DIRAS2: variants seen among roughly 807,000 people sequenced by gnomAD.
DIRAS2 encodes the protein DIRAS family GTPase 2, also known as GTP-binding protein Di-Ras2.
Under a neutral mutation model 13.9 loss-of-function variants are expected in DIRAS2, and 5 were observed. The ratio of observed to expected loss-of-function variants is 0.36; its 90% CI spans 0.19 to 0.76. DIRAS2 has a LOEUF of 0.76. Ranked by LOEUF, DIRAS2 falls within the 30% of genes least tolerant of loss-of-function variation. The pLI, the probability that DIRAS2 is intolerant of heterozygous loss-of-function variation, is 0.53. For missense variants in DIRAS2, 191 were observed against 263.0 expected, an observed-to-expected ratio of 0.73 and a Z score of 1.89; for synonymous variants, 111 against 105.4, an observed-to-expected ratio of 1.05 and a Z score of -0.33.
intron 1 of DIRAS2, among the ~76,000 whole-genome samples, chr9:90,622,788 C>T (rs1395106343): frequency 6.6e-6 from 1 of 152,012 alleles, no homozygotes. Flanking sequence ...TCTCTCTAAC[C>T]TTGGATTTAT....
chr9:90,620,506 C>A (rs912940696), intron 1 of DIRAS2, among the ~76,000 whole-genome samples: 1 of 152,106 alleles, frequency 6.6e-6, no homozygotes, highest in Admixed American at 6.6e-5. Flanking sequence ...CCTGTAATCC[C>A]AACATTTTGG....
At chr9:90,628,147 C>T (rs1825289481) in intron 1 of DIRAS2, among the ~76,000 whole-genome samples, 1 of 152,124 alleles carries the variant, frequency 6.6e-6, no homozygotes, top group South Asian at 2.1e-4. Flanking sequence ...GCCTTAAGTT[C>T]CTACTGTATT....
At chr9:90,639,585 G>T (rs1825400525) in intron 1 of DIRAS2, among the ~76,000 whole-genome samples, 1 of 152,072 alleles carries the variant, frequency 6.6e-6, no homozygotes. Flanking sequence ...ACCCGGGGGG[G>T]CAGTACTTCT....
chr9:90,633,603 A>T (rs1168878281), intron 1 of DIRAS2, among the ~76,000 whole-genome samples: 2 of 152,194 alleles, frequency 1.3e-5, no homozygotes, highest in East Asian at 3.8e-4. Context: ...AAGTGTGTGG[A>T]TGAGATCGTT....
chr9:90,622,522 C>T (rs1039734327), intron 1 of DIRAS2, among the ~76,000 whole-genome samples: 2 of 150,492 alleles, frequency 1.3e-5, no homozygotes, highest in African/African-American at 4.9e-5. Context: ...TGTCTCCTTT[C>T]AGCCATTTCA....
intron 1 of DIRAS2, among the ~76,000 whole-genome samples, chr9:90,614,306 ATGTGTGTGTGTGTGTGTGTGTGTGTG>A (rs34548591): frequency 7.4e-6 from 1 of 134,918 alleles, no homozygotes; most frequent in South Asian, 2.7e-4. Flanking sequence ...GGTCATCATA[ATGTGTGTGTGTGTGTGTGTGTGTGTG>A]TGTGTGTGTG....
At chr9:90,627,005 G>A (rs117764192) in intron 1 of DIRAS2, among the ~76,000 whole-genome samples, 1,597 of 152,228 alleles carry the variant, frequency 0.01, 24 homozygotes, top group East Asian at 0.054. Context: ...TGGATCATGG[G>A]GGCAGATCCC....
In DIRAS2 at chr9:90,613,441, G is replaced by T. The variant is rs758953484; in HGVS notation, c.387C>A (p.Arg129=). Residue 129 remains arginine, a synonymous_variant, in exon 2 of 2, where the codon CGC becomes CGA. Transcript: ENST00000375765. This position sits in a 1 kb window ranked among gnomAD's most constrained non-coding sequence, Gnocchi z 5.6. ...CCTCCGCCTCGCTGCTCTGCACCTC[G>T]CGGCTGGGGCTCTCATCACACTTGT... ...VGNKCDESPS[R]EVQSSEAEAL... The T allele has an allele frequency of 9.3e-6, 15 of 1,614,046 alleles. No individual in the cohort carries two copies. The highest frequency in any genetic ancestry group is 2.2e-5 in the East Asian group (1 of 44,848).
chr9:90,612,955 C>A lies in DIRAS2; in HGVS notation c.*273G>T. On this transcript the variant is annotated 3_prime_UTR_variant, in exon 2 of 2. Coordinates refer to ENST00000375765, the MANE Select transcript of DIRAS2 (RefSeq NM_017594.5). ...CTCCCTCCCACCTTCGGGTGTTCAT[C>A]GCCACCTTCAGCAATTGCTGGCACC... 1 of 457,172 alleles carries A rather than the reference C, an allele frequency of 2.2e-6. No homozygotes were observed. The highest frequency in any genetic ancestry group is 4.0e-6 in the Non-Finnish European group (1 of 251,854). The allele number at this position is 457,172 out of a possible 1,614,324, so 28.3% of individuals were successfully genotyped here.
rs934626197 is a variant in DIRAS2, at chr9:90,610,702, G to A, written c.*2526C>T. ...TGGGGATCTCCTAAAAGACGATTTT[G>A]AGATAACCATTGATATCCTCAGTTC... On this transcript the variant is annotated 3_prime_UTR_variant, in exon 2 of 2. Coordinates refer to ENST00000375765, the MANE Select transcript of DIRAS2 (RefSeq NM_017594.5). 1.2e-5 allele frequency: 4 copies of A among 332,364 alleles called. No homozygotes were observed. The highest frequency in any genetic ancestry group is 6.3e-5 in the African/African-American group (3 of 47,436). 20.6% of individuals were successfully genotyped at this position (332,364 alleles called of 1,614,324 possible).
At chr9:90,617,535 T>C (rs1825180952) in intron 1 of DIRAS2, among the ~76,000 whole-genome samples, 1 of 152,188 alleles carries the variant, frequency 6.6e-6, no homozygotes, top group Admixed American at 6.5e-5. Context: ...ATGGATATAA[T>C]AATGCCAAGT....
chr9:90,638,519 G>A (rs541597518), intron 1 of DIRAS2, among the ~76,000 whole-genome samples: 54 of 152,262 alleles, frequency 3.5e-4, no homozygotes, highest in African/African-American at 1.1e-3. Context: ...AGGCCAAAGA[G>A]GTCCCAAGAG....
Position 90,610,706 on chromosome 9 carries a change from T to A in DIRAS2, c.*2522A>T, listed in dbSNP as rs1053197577. On this transcript the variant is annotated 3_prime_UTR_variant, in exon 2 of 2. Transcript: ENST00000375765. ...GATCTCCTAAAAGACGATTTTGAGA[T>A]AACCATTGATATCCTCAGTTCAGCT... 2 of 324,102 alleles carry A rather than the reference T, an allele frequency of 6.2e-6. No homozygotes were observed. The highest frequency in any genetic ancestry group is 4.9e-5 in the Admixed American group (1 of 20,526). 20.1% of individuals were successfully genotyped at this position (324,102 alleles called of 1,614,324 possible).
intron 1 of DIRAS2, among the ~76,000 whole-genome samples, chr9:90,617,367 C>T (rs906234660): frequency 6.6e-6 from 1 of 152,040 alleles, no homozygotes; most frequent in Non-Finnish European, 1.5e-5. Flanking sequence ...TATCTGGATA[C>T]CATTCATACA....
chr9:90,642,331 C>T (rs1255202289), intron 1 of DIRAS2, among the ~76,000 whole-genome samples: 1 of 152,162 alleles, frequency 6.6e-6, no homozygotes, highest in Admixed American at 6.5e-5. Flanking sequence ...GTGAAGGAGT[C>T]GAGGATGAAA....
At chr9:90,630,189 A>G (rs1269176597) in intron 1 of DIRAS2, among the ~76,000 whole-genome samples, 1 of 152,196 alleles carries the variant, frequency 6.6e-6, no homozygotes, top group East Asian at 1.9e-4. Flanking sequence ...CTCTAGCCCA[A>G]TGTCAGGTAC....
chr9:90,631,409 C>A (rs185437755), intron 1 of DIRAS2, among the ~76,000 whole-genome samples: 1 of 152,270 alleles, frequency 6.6e-6, no homozygotes, highest in East Asian at 1.9e-4. Flanking sequence ...CAGGAGACAG[C>A]TGGAGGGTTT....
intron 1 of DIRAS2, among the ~76,000 whole-genome samples, chr9:90,623,454 G>A (rs1325178484): frequency 6.6e-6 from 1 of 150,402 alleles, no homozygotes; most frequent in Non-Finnish European, 1.5e-5. Context: ...GACAGCTAGA[G>A]GAAGGAAAGG....
intron 1 of DIRAS2, among the ~76,000 whole-genome samples, chr9:90,627,441 G>A (rs1192145492): frequency 1.3e-5 from 2 of 152,176 alleles, no homozygotes; most frequent in African/African-American, 4.8e-5. Flanking sequence ...GACAAATACT[G>A]TATGAATTCA....
Sources: allele counts gnomAD v4.1 joint callset (sites outside exome capture counted in the v4.1 genomes callset), GRCh38; gene constraint gnomAD v4.1.1; non-coding constraint Gnocchi (gnomAD v3.1); transcripts MANE v1.5; gene names NCBI Gene and HGNC (gene_info 2026-07-23, HGNC 2026-07-21).